TMTC1: variants seen among roughly 807,000 people sequenced by gnomAD.
The protein encoded by TMTC1 is transmembrane O-mannosyltransferase targeting cadherins 1, also known as protein O-mannosyl-transferase TMTC1.
Under a neutral mutation model 104.8 loss-of-function variants are expected in TMTC1, and 73 were observed. The ratio of observed to expected loss-of-function variants is 0.70; its 90% CI spans 0.58 to 0.85. The LOEUF (loss-of-function observed/expected upper bound fraction) is 0.85. Among genes scored for constraint, TMTC1 ranks in the 40% least tolerant of loss-of-function variants. TMTC1 has a pLI of 0.00. For missense variants in TMTC1, 1,035 were observed against 1,096.1 expected, an observed-to-expected ratio of 0.94 and a Z score of 0.79; for synonymous variants, 434 against 428.7, an observed-to-expected ratio of 1.01 and a Z score of -0.15.
chr12:29,512,681 G>A lies in TMTC1; in HGVS notation c.2431-561C>T, dbSNP rs1331557626. ...TCTTTTTTCCCCTGCCACATGAAAA[G>A]TCTTCAAATGTTTAAAGAGAGTTAC... On this transcript the variant is annotated intron_variant, in intron 16 of 17. Coordinates refer to ENST00000539277, the MANE Select transcript of TMTC1 (RefSeq NM_001193451.2). Among the ~76,000 whole-genome samples the A allele has an allele frequency of 2.6e-5, 4 of 152,142 alleles. No individual in the cohort carries two copies. In the East Asian group the frequency reaches 7.7e-4, roughly 29 times the overall value.
intron 5 of TMTC1, among the ~76,000 whole-genome samples, chr12:29,740,354 T>C (rs181902725): frequency 9.2e-5 from 14 of 152,252 alleles, no homozygotes; most frequent in African/African-American, 3.1e-4. Flanking sequence ...CTTAATCTGG[T>C]GGGCACAATC....
intron 5 of TMTC1, among the ~76,000 whole-genome samples, chr12:29,635,320 G>A (rs1191062514): frequency 6.6e-6 from 1 of 152,154 alleles, no homozygotes; most frequent in Non-Finnish European, 1.5e-5. Context: ...TCAGGCTGAT[G>A]CCATCTACCT....
Position 29,767,985 on chromosome 12 carries a change from G to A in TMTC1, c.393C>T (p.Tyr131=), listed in dbSNP as rs376369410. The A allele has an allele frequency of 9.9e-6, 16 of 1,613,682 alleles. No homozygotes were observed. The highest frequency in any genetic ancestry group is 3.4e-6 in the Non-Finnish European group (4 of 1,179,874). ...TCTTGAAGACAGTTTTATCACAGGT[G>A]TACATCAGCACAAGAGTCACTAAGC... ...LHCLVTLVLM[Y]TCDKTVFKNR... is the part of the protein sequence containing the mutation. Residue 131 remains tyrosine, a synonymous_variant, in exon 2 of 18, where the codon TAC becomes TAT. Transcript: ENST00000539277.
At chr12:29,605,547 T>G (rs1315393100) in intron 6 of TMTC1, among the ~76,000 whole-genome samples, 1 of 132,298 alleles carries the variant, frequency 7.6e-6, no homozygotes, top group Non-Finnish European at 1.6e-5. Flanking sequence ...CAACTCATGA[T>G]CTACCAAAAC....
chr12:29,514,614 T>C lies in TMTC1; in HGVS notation c.2308-10A>G. On this transcript the variant is annotated splice_polypyrimidine_tract_variant and intron_variant, in intron 15 of 17. Coordinates refer to ENST00000539277, the MANE Select transcript of TMTC1 (RefSeq NM_001193451.2). ...CTATAGCATCAAGTGCCTGCAGAGG[T>C]TGGAAATTAAGACAGAATAAATGCA... 1 of 1,602,838 alleles carries C rather than the reference T, an allele frequency of 6.2e-7. No individual in the cohort carries two copies. The highest frequency in any genetic ancestry group is 8.5e-7 in the Non-Finnish European group (1 of 1,177,216).
intron 5 of TMTC1, among the ~76,000 whole-genome samples, chr12:29,634,549 C>T (rs1938457490): frequency 6.6e-6 from 1 of 152,218 alleles, no homozygotes; most frequent in Admixed American, 6.5e-5. Flanking sequence ...CTGCTCCTTC[C>T]CCTACTGTCA....
chr12:29,778,429 A>G (rs1476398858), intron 1 of TMTC1, among the ~76,000 whole-genome samples: 1 of 152,148 alleles, frequency 6.6e-6, no homozygotes, highest in Non-Finnish European at 1.5e-5. Flanking sequence ...ACCATTTTTC[A>G]AGGGAGGGGT....
At position 29,727,998 on chromosome 12, in the gene TMTC1, A is replaced by C. The variant is rs374662881; in HGVS notation, c.938+23668T>G. 8.5e-5 allele frequency among the ~76,000 whole-genome samples: 13 copies of C among 152,318 alleles called. 1 individual carries two copies. The highest frequency in any genetic ancestry group is 2.9e-4 in the African/African-American group (12 of 41,576). On this transcript the variant is annotated intron_variant, in intron 5 of 17. Transcript: ENST00000539277. ...TTAAAGCGAAGCAACGACTGGCCACACAACATTAAGTATCTTCTGCGCGCC... is the reference window on the plus strand; with the variant it reads ...TTAAAGCGAAGCAACGACTGGCCACCCAACATTAAGTATCTTCTGCGCGCC...
At chr12:29,632,572 A>G (rs1400281457) in intron 6 of TMTC1, among the ~76,000 whole-genome samples, 1 of 152,080 alleles carries the variant, frequency 6.6e-6, no homozygotes, top group Admixed American at 6.6e-5. Context: ...CCTGATTGTA[A>G]GTTTCCTAAG....
chr12:29,550,019 A>G (rs1945052083), intron 10 of TMTC1, among the ~76,000 whole-genome samples: 1 of 152,168 alleles, frequency 6.6e-6, no homozygotes, highest in Non-Finnish European at 1.5e-5. Flanking sequence ...AAAAATAATC[A>G]TAGACATTAC....
intron 7 of TMTC1, among the ~76,000 whole-genome samples, chr12:29,596,219 C>A (rs1026566663): frequency 6.6e-6 from 1 of 152,170 alleles, no homozygotes; most frequent in Non-Finnish European, 1.5e-5. Flanking sequence ...GTTGACCAGA[C>A]TGGTCTTGAA....
intron 11 of TMTC1, among the ~76,000 whole-genome samples, chr12:29,521,966 T>C (rs1011000393): frequency 3.0e-5 from 4 of 134,396 alleles, no homozygotes; most frequent in Admixed American, 1.5e-4. Context: ...TCCCAGATAC[T>C]AAGACTTATT....
At position 29,583,492 on chromosome 12, in the gene TMTC1, C is replaced by A; in HGVS notation, c.1333G>T (p.Val445Leu). 1.9e-6 allele frequency: 3 copies of A among 1,613,944 alleles called. No individual in the cohort carries two copies. Among genetic ancestry groups the A allele is most frequent in the Non-Finnish European group, 2.5e-6 (3 of 1,179,920 alleles). The part of the protein sequence containing the change: ...LNRCGATTLI[V>L]STVLLLLLFS... The stretch of plus-strand genomic sequence containing the variant: ...AGCAACAGCAGCAACACAGTGGACA[C>A]AATCAGGGTGGTGGCCCCACATCGA... The change falls in exon 8 of 18, where the codon GTG (valine) becomes TTG (leucine). Residue 445 changes from valine (V) to leucine (L), a missense_variant. Coordinates refer to ENST00000539277, the MANE Select transcript of TMTC1 (RefSeq NM_001193451.2).
chr12:29,678,095 C>A (rs1256809888), intron 5 of TMTC1, among the ~76,000 whole-genome samples: 4 of 152,186 alleles, frequency 2.6e-5, no homozygotes, highest in Non-Finnish European at 5.9e-5. Context: ...ATTTCTGCAA[C>A]ATTCTGAAAC....
intron 10 of TMTC1, among the ~76,000 whole-genome samples, chr12:29,542,398 A>C (rs543273069): frequency 1.5e-4 from 23 of 152,348 alleles, no homozygotes; most frequent in African/African-American, 5.1e-4. Context: ...AGAATTTGGC[A>C]ATATTATTGC....
intron 7 of TMTC1, among the ~76,000 whole-genome samples, chr12:29,597,725 A>C (rs1946449207): frequency 6.6e-6 from 1 of 152,086 alleles, no homozygotes; most frequent in Non-Finnish European, 1.5e-5. Flanking sequence ...TAAAATTTGG[A>C]GTGGCAAGGG....
chr12:29,635,965 C>T (rs558375733), intron 5 of TMTC1, among the ~76,000 whole-genome samples: 1 of 152,338 alleles, frequency 6.6e-6, no homozygotes, highest in Admixed American at 6.5e-5. Flanking sequence ...AAAATAACCA[C>T]TTAGGACACC....
At chr12:29,702,241 T>G (rs1237516381) in intron 5 of TMTC1, among the ~76,000 whole-genome samples, 1 of 152,192 alleles carries the variant, frequency 6.6e-6, no homozygotes, top group African/African-American at 2.4e-5. Context: ...TCATTTACCT[T>G]CTGGCACAGT....
intron 6 of TMTC1, among the ~76,000 whole-genome samples, chr12:29,621,044 T>C (rs748305678): frequency 6.6e-6 from 1 of 152,150 alleles, no homozygotes; most frequent in Non-Finnish European, 1.5e-5. Flanking sequence ...GGATCTATAA[T>C]AGCACGAAGA....
Sources: allele counts gnomAD v4.1 joint callset (sites outside exome capture counted in the v4.1 genomes callset), GRCh38; gene constraint gnomAD v4.1.1; transcripts MANE v1.5; gene names NCBI Gene and HGNC (gene_info 2026-07-23, HGNC 2026-07-21).